The following CACNA2D3 variants were observed in gnomAD, a reference collection of about 807,000 sequenced individuals.
CACNA2D3 encodes calcium voltage-gated channel auxiliary subunit alpha2delta 3.
In CACNA2D3, 60 loss-of-function variants were observed where a neutral mutation model predicts 160.6. That is an observed-to-expected ratio of 0.37 (90% CI 0.30 to 0.46). The LOEUF (loss-of-function observed/expected upper bound fraction) is 0.46. CACNA2D3 is among the 20% of genes least tolerant of loss of function. The probability of loss-of-function intolerance (pLI) is 1.00; values close to 1 mark genes in which losing one functional copy is unlikely to be tolerated. For missense variants in CACNA2D3, 1,205 were observed against 1,365.0 expected (o/e 0.88, Z 1.85); for synonymous variants, 558 against 492.9 (o/e 1.13, Z -1.75).
At chr3:54,817,873 C>T (rs570063910) in intron 14 of CACNA2D3, among the ~76,000 whole-genome samples, 103 of 152,314 alleles carry the variant, frequency 6.8e-4, no homozygotes, top group African/African-American at 2.4e-3. Flanking sequence ...TGTTTGATTA[C>T]ACTTCAATGC....
chr3:54,864,290 T>C (rs978867657), intron 17 of CACNA2D3, among the ~76,000 whole-genome samples: 1 of 151,568 alleles, frequency 6.6e-6, no homozygotes, highest in Non-Finnish European at 1.5e-5. Context: ...TTTTTTTTTT[T>C]TCCAAGACAG....
At chr3:54,366,200 G>T (rs1211484593) in intron 3 of CACNA2D3, among the ~76,000 whole-genome samples, 2 of 152,160 alleles carry the variant, frequency 1.3e-5, no homozygotes, top group African/African-American at 2.4e-5. Context: ...ATGGAGCAGG[G>T]GATATTTGAT....
chr3:54,804,755 G>T (rs574863194), intron 13 of CACNA2D3, among the ~76,000 whole-genome samples: 128 of 152,134 alleles, frequency 8.4e-4, no homozygotes, highest in Middle Eastern at 6.8e-3. Context: ...TACATTTTTT[G>T]CAGCACCACA....
At chr3:54,682,930 T>C (rs1700382319) in intron 11 of CACNA2D3, among the ~76,000 whole-genome samples, 1 of 152,204 alleles carries the variant, frequency 6.6e-6, no homozygotes, top group Admixed American at 6.5e-5. Context: ...CTATTAATTT[T>C]AACTTCTGAG....
intron 13 of CACNA2D3, among the ~76,000 whole-genome samples, chr3:54,791,432 A>G (rs1175040998): frequency 6.6e-6 from 1 of 152,210 alleles, no homozygotes; most frequent in Non-Finnish European, 1.5e-5. Context: ...TTCATATGTG[A>G]TTAGACATTT....
intron 4 of CACNA2D3, among the ~76,000 whole-genome samples, chr3:54,412,703 C>T (rs575009905): frequency 1.7e-4 from 24 of 141,732 alleles, no homozygotes; most frequent in Admixed American, 8.1e-4. Flanking sequence ...GATTTGCCTT[C>T]TTATATACTT....
chr3:54,537,818 C>T (rs149330456), intron 5 of CACNA2D3, among the ~76,000 whole-genome samples: 224 of 152,218 alleles, frequency 1.5e-3, no homozygotes, highest in African/African-American at 3.9e-3. Context: ...CGGCTCACTC[C>T]GGACCTGAGC....
intron 5 of CACNA2D3, among the ~76,000 whole-genome samples, chr3:54,558,778 C>T (rs960797855): frequency 6.6e-6 from 1 of 152,156 alleles, no homozygotes; most frequent in African/African-American, 2.4e-5. Flanking sequence ...TGTATTATTC[C>T]ATGGTGTGTG....
At chr3:54,349,533 T>C (rs1357358852) in intron 3 of CACNA2D3, among the ~76,000 whole-genome samples, 6 of 152,238 alleles carry the variant, frequency 3.9e-5, no homozygotes. Context: ...TTTCGGAGCA[T>C]TGCTGTGTTT....
chr3:54,817,420 G>T (rs1703481168), intron 14 of CACNA2D3, among the ~76,000 whole-genome samples: 3 of 152,160 alleles, frequency 2.0e-5, no homozygotes. Context: ...AGATGATCTA[G>T]TTCCACCATC....
chr3:54,581,794 C>G lies in CACNA2D3; in HGVS notation c.889-9C>G. 1 of 1,609,698 alleles carries G rather than the reference C, an allele frequency of 6.2e-7. No individual in the cohort carries two copies. Among genetic ancestry groups the G allele is most frequent in the Non-Finnish European group, 8.5e-7 (1 of 1,177,726 alleles). On this transcript the variant is annotated splice_polypyrimidine_tract_variant and intron_variant, in intron 8 of 37. Coordinates refer to ENST00000474759, the MANE Select transcript of CACNA2D3 (RefSeq NM_018398.3). ...TTAAGTGTTCCTTCTTGACTTTTTTCCTTTGCAGTATAATGAGGAGCTTCA... is the reference window on the plus strand; with the variant it reads ...TTAAGTGTTCCTTCTTGACTTTTTTGCTTTGCAGTATAATGAGGAGCTTCA...
In CACNA2D3 at chr3:54,460,434, A is replaced by G. The variant is rs7431838; in HGVS notation, c.382-43058A>G. Among the ~76,000 whole-genome samples the G allele has an allele frequency of 3.3e-5, 5 of 151,934 alleles. No individual in the cohort carries two copies. In the East Asian group the frequency reaches 7.7e-4, roughly 23 times the overall value. ...ATGGAATGTTCTTCCATTTGTTTGT[A>G]TCCTCATTTATTTCATTGAGCAGTG... On this transcript the variant is annotated intron_variant, in intron 4 of 37. Coordinates refer to ENST00000474759, the MANE Select transcript of CACNA2D3 (RefSeq NM_018398.3).
chr3:54,323,006 CT>C (rs1194767214), intron 3 of CACNA2D3, among the ~76,000 whole-genome samples: 1 of 152,160 alleles, frequency 6.6e-6, no homozygotes, highest in Admixed American at 6.5e-5. Flanking sequence ...CCTGTAACAT[CT>C]TGGTTAATTG....
chr3:54,443,629 C>T (rs371804610), intron 4 of CACNA2D3, among the ~76,000 whole-genome samples: 1 of 152,142 alleles, frequency 6.6e-6, no homozygotes, highest in East Asian at 1.9e-4. Context: ...CCTTGGCCGA[C>T]GACCCTGGCA....
chr3:55,073,438 C>T lies in CACNA2D3; in HGVS notation c.2988-7C>T. The T allele has an allele frequency of 1.2e-6, 2 of 1,602,496 alleles. No homozygotes were observed. The highest frequency in any genetic ancestry group is 1.7e-6 in the Non-Finnish European group (2 of 1,169,452). On this transcript the variant is annotated splice_region_variant and splice_polypyrimidine_tract_variant and intron_variant, in intron 35 of 37. Coordinates refer to ENST00000474759, the MANE Select transcript of CACNA2D3 (RefSeq NM_018398.3). ...AATGACTGCCTCGCTACCTCTTGTT[C>T]CAACAGGTCCTTTGTCATCCAGCAA...
intron 11 of CACNA2D3, among the ~76,000 whole-genome samples, chr3:54,741,733 C>T (rs1451486591): frequency 6.6e-6 from 1 of 152,132 alleles, no homozygotes; most frequent in Admixed American, 6.5e-5. Context: ...TGTATTTGTA[C>T]ACTAAAGCCA....
intron 4 of CACNA2D3, among the ~76,000 whole-genome samples, chr3:54,488,703 T>G (rs1212258659): frequency 6.6e-6 from 1 of 152,184 alleles, no homozygotes; most frequent in Non-Finnish European, 1.5e-5. Flanking sequence ...ACCTGTTCTG[T>G]ACTCTGTATT....
At chr3:54,879,833 A>G (rs1699749971) in intron 20 of CACNA2D3, among the ~76,000 whole-genome samples, 1 of 151,998 alleles carries the variant, frequency 6.6e-6, no homozygotes, top group Non-Finnish European at 1.5e-5. Context: ...CTCTGTTTCC[A>G]TTTCTCTGAA....
At chr3:54,816,620 C>T (rs1035548221) in intron 13 of CACNA2D3, among the ~76,000 whole-genome samples, 2 of 152,174 alleles carry the variant, frequency 1.3e-5, no homozygotes, top group African/African-American at 2.4e-5. Flanking sequence ...ATTCCCAAAA[C>T]ACATGCTGGA....
Sources: allele counts gnomAD v4.1 joint callset (sites outside exome capture counted in the v4.1 genomes callset), GRCh38; gene constraint gnomAD v4.1.1; transcripts MANE v1.5; gene names NCBI Gene and HGNC (gene_info 2026-07-23, HGNC 2026-07-21).